Variants in ALK observed in about 807,000 individuals in gnomAD.
The protein encoded by ALK is ALK tyrosine kinase receptor.
A neutral mutation model predicts 163.1 loss-of-function variants in ALK; 74 were observed. That is an observed-to-expected ratio of 0.45 (90% CI 0.38 to 0.55). The LOEUF is 0.55. Ranked by LOEUF, ALK falls within the 20% of genes least tolerant of loss-of-function variation. ALK has a pLI of 0.00. For synonymous variants in ALK, 960 were observed against 843.2 expected (o/e 1.14, Z -2.40); for missense variants, 2,063 against 2,105.3 (o/e 0.98, Z 0.39).
chr2:29,380,661 C>A (rs779229704), intron 5 of ALK, among the ~76,000 whole-genome samples: 14 of 151,938 alleles, frequency 9.2e-5, no homozygotes, highest in Non-Finnish European at 1.8e-4. Context: ...CTCGAACTCC[C>A]GACCTCAGGT....
intron 26 of ALK, among the ~76,000 whole-genome samples, chr2:29,200,655 G>T (rs1669134202): frequency 7.0e-6 from 1 of 142,370 alleles, no homozygotes; most frequent in African/African-American, 2.5e-5. Context: ...CTATAAGCCT[G>T]CCCTAAACAG....
At chr2:29,198,177 T>C (rs1230567811) in intron 26 of ALK, among the ~76,000 whole-genome samples, 1 of 152,184 alleles carries the variant, frequency 6.6e-6, no homozygotes, top group Non-Finnish European at 1.5e-5. Flanking sequence ...AGTCTCTGAA[T>C]TACTAGATTA....
At chr2:29,671,609 G>A (rs1216210771) in intron 3 of ALK, among the ~76,000 whole-genome samples, 1 of 152,048 alleles carries the variant, frequency 6.6e-6, no homozygotes, top group African/African-American at 2.4e-5. Flanking sequence ...TGTGAATGAG[G>A]AAAGATTTTC....
chr2:29,607,816 A>T lies in ALK; in HGVS notation c.953-75700T>A, dbSNP rs921416433. 3.3e-5 allele frequency among the ~76,000 whole-genome samples: 5 copies of T among 150,124 alleles called. No individual in the cohort carries two copies. In the East Asian group the frequency reaches 7.8e-4, roughly 23 times the overall value. On this transcript the variant is annotated intron_variant, in intron 3 of 28. Transcript: ENST00000389048. ...TACCTACACTTTCTCTGGTCATCTC[A>T]TCCTGTCTCGTGGCTTTAATACCAA...
chr2:29,395,673 C>T (rs947641282), intron 4 of ALK, among the ~76,000 whole-genome samples: 2 of 152,214 alleles, frequency 1.3e-5, no homozygotes, highest in Non-Finnish European at 2.9e-5. Flanking sequence ...CTGTATAGAG[C>T]TGTCCATAAC....
At chr2:29,464,877 C>T (rs1206667290) in intron 4 of ALK, among the ~76,000 whole-genome samples, 5 of 152,016 alleles carry the variant, frequency 3.3e-5, no homozygotes, top group Non-Finnish European at 7.4e-5. Context: ...GATCATTAGA[C>T]TTGAAGACAA....
At chr2:29,758,615 T>C (rs1472066196) in intron 1 of ALK, among the ~76,000 whole-genome samples, 3 of 152,162 alleles carry the variant, frequency 2.0e-5, no homozygotes, top group Non-Finnish European at 4.4e-5. Context: ...GCCCTCTCCT[T>C]GGCTCCCTCC....
chr2:29,685,665 A>G (rs1678216321), intron 3 of ALK, among the ~76,000 whole-genome samples: 1 of 152,102 alleles, frequency 6.6e-6, no homozygotes, highest in African/African-American at 2.4e-5. Flanking sequence ...GAGCATGTCA[A>G]TTTTCCTGCC....
intron 3 of ALK, among the ~76,000 whole-genome samples, chr2:29,540,580 GTT>G (rs369817314): frequency 1.1e-4 from 8 of 74,600 alleles, no homozygotes; most frequent in African/African-American, 3.0e-4. Flanking sequence ...GAAGAATTAT[GTT>G]TTTTTTTTTT....
chr2:29,452,724 G>A (rs1451748360), intron 4 of ALK, among the ~76,000 whole-genome samples: 4 of 152,174 alleles, frequency 2.6e-5, no homozygotes, highest in Admixed American at 2.0e-4. Flanking sequence ...TTAACTTCAA[G>A]TGTAACCGAC....
intron 4 of ALK, among the ~76,000 whole-genome samples, chr2:29,523,216 G>T (rs1672861564): frequency 1.3e-5 from 2 of 152,164 alleles, no homozygotes; most frequent in South Asian, 2.1e-4. Flanking sequence ...TCTCTGTGTG[G>T]AATGTCTTCC....
In ALK at chr2:29,193,245, G is replaced by A. The variant is rs1280729630; in HGVS notation, c.4842C>T (p.Ser1614=). Residue 1614 remains serine, a synonymous_variant, in exon 29 of 29, where the codon AGC becomes AGT. Transcript: ENST00000389048. ...GAGCTCAGGGCCCAGGCTGGTTCAT[G>A]CTATTCTTGCTTTTCAGAATGGTAT... ...YEDTILKSKN[S]MNQPGP 1.9e-6 allele frequency: 3 copies of A among 1,614,144 alleles called. No homozygotes were observed. The highest frequency in any genetic ancestry group is 3.3e-5 in the Admixed American group (2 of 60,018).
rs1255016870 is a variant in ALK at position 29,865,340 on chromosome 2, C to G, written c.667+54653G>C. On this transcript the variant is annotated intron_variant, in intron 1 of 28. Coordinates refer to ENST00000389048, the MANE Select transcript of ALK (RefSeq NM_004304.5). ...TAGGCTGTCCCACAGAGCCCAAGAA[C>G]AGGCAAGGAGCTGGGTCCCCAGAGC... Among the ~76,000 whole-genome samples, 3 of 152,208 alleles carry G rather than the reference C, an allele frequency of 2.0e-5. No individual in the cohort carries two copies. In the East Asian group the frequency reaches 5.8e-4, roughly 29 times the overall value.
At chr2:29,837,920 C>G (rs1253031806) in intron 1 of ALK, among the ~76,000 whole-genome samples, 2 of 152,012 alleles carry the variant, frequency 1.3e-5, no homozygotes, top group Non-Finnish European at 2.9e-5. Context: ...ATTTAAATGA[C>G]TTTAAAATAG....
At chr2:29,502,121 G>T (rs976170748) in intron 4 of ALK, among the ~76,000 whole-genome samples, 6 of 152,186 alleles carry the variant, frequency 3.9e-5, no homozygotes, top group Non-Finnish European at 7.3e-5. Context: ...GCCAGGTCCT[G>T]TAATAGGCAC....
At chr2:29,609,976 G>A (rs1302769865) in intron 3 of ALK, among the ~76,000 whole-genome samples, 1 of 152,148 alleles carries the variant, frequency 6.6e-6, no homozygotes, top group Non-Finnish European at 1.5e-5. Flanking sequence ...CTTAGGTTGA[G>A]ATAAAACCAA....
intron 8 of ALK, among the ~76,000 whole-genome samples, chr2:29,316,791 T>C (rs1480087876): frequency 6.6e-6 from 1 of 152,242 alleles, no homozygotes; most frequent in Non-Finnish European, 1.5e-5. Flanking sequence ...ATCTATTTAT[T>C]TGTGCTCAGA....
intron 11 of ALK, among the ~76,000 whole-genome samples, chr2:29,266,653 CG>C (rs781203876): frequency 7.9e-5 from 12 of 152,262 alleles, no homozygotes; most frequent in African/African-American, 2.4e-4. Flanking sequence ...GATGAGGAAA[CG>C]GGGCCCAGAA....
intron 5 of ALK, among the ~76,000 whole-genome samples, chr2:29,344,700 GGTT>G (rs1667895939): frequency 6.6e-6 from 1 of 152,194 alleles, no homozygotes; most frequent in South Asian, 2.1e-4. Flanking sequence ...ATGATAAAAT[GGTT>G]GTTGTTTTTG....
Sources: allele counts gnomAD v4.1 joint callset (sites outside exome capture counted in the v4.1 genomes callset), GRCh38; gene constraint gnomAD v4.1.1; transcripts MANE v1.5; gene names NCBI Gene and HGNC (gene_info 2026-07-23, HGNC 2026-07-21).